ZNF133: variants seen among roughly 807,000 people sequenced by gnomAD.
ZNF133 encodes the protein zinc finger protein 133.
In ZNF133, 26 loss-of-function variants were observed where a neutral mutation model predicts 54.9. The observed-to-expected ratio is 0.47, with a 90% CI of 0.35 to 0.66. The LOEUF (loss-of-function observed/expected upper bound fraction) is 0.66, where lower values mean the gene tolerates loss of function less well. ZNF133 is among the 30% of genes least tolerant of loss of function. The pLI, the probability that ZNF133 is intolerant of heterozygous loss-of-function variation, is 0.01. For missense variants in ZNF133, 653 were observed against 820.8 expected (o/e 0.80, Z 2.50); for synonymous variants, 298 against 320.3 (o/e 0.93, Z 0.74).
intron 6 of ZNF133, among the ~76,000 whole-genome samples, chr20:18,309,751 T>A (rs2147649752): frequency 6.6e-6 from 1 of 152,202 alleles, no homozygotes; most frequent in Non-Finnish European, 1.5e-5. Flanking sequence ...CTAAAAAAAG[T>A]ATGGTAGGTA....
chr20:18,314,101 A>G (rs1470768709), intron 6 of ZNF133: 2 of 152,244 alleles, frequency 1.3e-5, no homozygotes. Context: ...GCTCATTGTA[A>G]TTAGGATTGA....
chr20:18,289,892 G>A (rs73114297), intron 1 of ZNF133: 11,005 of 152,288 alleles, frequency 0.072, 482 homozygotes, highest in Non-Finnish European at 0.089. Flanking sequence ...CTTTTCTTCT[G>A]TGGCAGGTTC....
Position 18,315,477 on chromosome 20 carries a change from T to C in ZNF133, c.626T>C (p.Leu209Ser), listed in dbSNP as rs2047245730. The C allele has an allele frequency of 1.2e-6, 2 of 1,614,092 alleles. No homozygotes were observed. The highest frequency in any genetic ancestry group is 1.7e-6 in the Non-Finnish European group (2 of 1,180,014). ...AAATTGTTGAAGAGGATAGAAGTCT[T>C]AGGATTTGGAACAGTCAACTGTGGA... ...TDKLLKRIEV[L>S]GFGTVNCGEC... Residue 209 changes from leucine (L) to serine (S), a missense_variant, in exon 7 of 7, where the codon TTA becomes TCA. Physicochemically the swap from Leu to Ser is moderately radical, Grantham distance 145 (BLOSUM62 -2). This residue lies in a region of ZNF133 where 292 missense variants were observed against 431.6 expected (regional missense o/e 0.68). Transcript: ENST00000425686.
At chr20:18,307,785 T>C (rs1412225271) in intron 6 of ZNF133, among the ~76,000 whole-genome samples, 3 of 152,192 alleles carry the variant, frequency 2.0e-5, no homozygotes, top group Non-Finnish European at 1.5e-5. Context: ...TGTGCTAAGC[T>C]CTGGCCAGTG....
chr20:18,303,044 A>G (rs1382002525), intron 3 of ZNF133, among the ~76,000 whole-genome samples: 2 of 151,924 alleles, frequency 1.3e-5, no homozygotes, highest in Admixed American at 6.6e-5. Flanking sequence ...GTAGACTGGA[A>G]AACTATTTTT....
chr20:18,289,187 T>C (rs2040328260), intron 1 of ZNF133, among the ~76,000 whole-genome samples: 1 of 152,066 alleles, frequency 6.6e-6, no homozygotes, highest in Non-Finnish European at 1.5e-5. Flanking sequence ...GCCGCGATCT[T>C]AGGGTTTCAC....
chr20:18,309,253 G>A (rs1280729423), intron 6 of ZNF133, among the ~76,000 whole-genome samples: 1 of 152,144 alleles, frequency 6.6e-6, no homozygotes, highest in Non-Finnish European at 1.5e-5. Flanking sequence ...GAATTTGGGG[G>A]AAACACAACT....
At chr20:18,306,209 T>C in intron 5 of ZNF133, 89 bp from the exon 6 acceptor site, 2 of 1,299,490 alleles carry the variant, frequency 1.5e-6, no homozygotes, top group Non-Finnish European at 2.1e-6. Context: ...TGTACTACCT[T>C]TGAAGTTTCC....
At chr20:18,293,383 G>A (rs574074932) in intron 1 of ZNF133, among the ~76,000 whole-genome samples, 2 of 152,358 alleles carry the variant, frequency 1.3e-5, no homozygotes, top group East Asian at 1.9e-4. Flanking sequence ...GGTCAGCTGG[G>A]ACAGCAGGCC....
At position 18,316,594 on chromosome 20, in the gene ZNF133, A is replaced by C; in HGVS notation, c.1743A>C (p.Arg581Ser). ...AHSEEKPCVC[R>S]ECGQGFLQKS... ...CGGAAGAGAAGCCTTGTGTGTGCAG[A>C]GAGTGTGGCCAAGGCTTTCTCCAAA... The change falls in exon 7 of 7, where the codon AGA becomes AGC. Residue 581 changes from arginine to serine, a missense_variant. By Grantham distance (110) the Arg-to-Ser change is moderately radical (BLOSUM62 -1). Coordinates refer to ENST00000425686, the MANE Select transcript of ZNF133 (RefSeq NM_001352452.2). 1 of 1,613,976 alleles carries C rather than the reference A, an allele frequency of 6.2e-7. No individual in the cohort carries two copies.
chr20:18,312,272 T>A (rs954372539), intron 6 of ZNF133, among the ~76,000 whole-genome samples: 1 of 152,192 alleles, frequency 6.6e-6, no homozygotes, highest in African/African-American at 2.4e-5. Flanking sequence ...CTTAAAGATT[T>A]TCAGATTTTG....
Position 18,305,618 on chromosome 20 carries a change from C to T in ZNF133, c.-6-63C>T. 1.2e-6 allele frequency: 2 copies of T among 1,612,046 alleles called. No homozygotes were observed. The highest frequency in any genetic ancestry group is 2.2e-5 in the East Asian group (1 of 44,848). The stretch of plus-strand genomic sequence containing the variant: ...CTCCCCCAGGGCAGCCTTATCCCTG[C>T]CCCTCACCCTGCCATGGGCAAGGCT... On this transcript the variant is annotated intron_variant, in intron 4 of 6. Transcript: ENST00000425686. This position sits in a 1 kb window ranked among gnomAD's most constrained non-coding sequence, Gnocchi z 4.7.
chr20:18,307,570 A>C (rs1732355752), intron 6 of ZNF133, among the ~76,000 whole-genome samples: 1 of 152,192 alleles, frequency 6.6e-6, no homozygotes, highest in Non-Finnish European at 1.5e-5. Context: ...CCTTAAGTAC[A>C]TTCTTCCTTT....
In ZNF133 at chr20:18,316,977, GCTT is replaced by G. The variant is rs2047655699; in HGVS notation, c.*165_*167del. ...GTGGCCTTCGGTTGTAATAAACTTG[GCTT>G]CTTTATACATCTGTAACTGTGCCTG... is the stretch of plus-strand genomic sequence containing the variant. On this transcript the variant is annotated 3_prime_UTR_variant, in exon 7 of 7. Coordinates refer to ENST00000425686, the MANE Select transcript of ZNF133 (RefSeq NM_001352452.2). 8.0e-6 allele frequency: 7 copies of G among 873,912 alleles called. No homozygotes were observed. The highest frequency in any genetic ancestry group is 1.2e-5 in the Non-Finnish European group (7 of 589,394). The allele number at this position is 873,912 out of a possible 1,614,324, so 54.1% of individuals were successfully genotyped here. A position where few individuals can be genotyped will look rare whatever the true frequency, so the allele number is the denominator to read the frequency against.
chr20:18,300,097 T>C (rs1055833204), intron 3 of ZNF133, among the ~76,000 whole-genome samples: 33 of 152,296 alleles, frequency 2.2e-4, no homozygotes, highest in African/African-American at 7.9e-4. Flanking sequence ...TTTTGTTCTC[T>C]ATATGAGACT....
intron 3 of ZNF133, among the ~76,000 whole-genome samples, chr20:18,303,351 A>T (rs1291200870): frequency 1.3e-5 from 2 of 152,110 alleles, no homozygotes; most frequent in Non-Finnish European, 2.9e-5. Context: ...CTGGCCAGAA[A>T]ACTTAATGTT....
At chr20:18,311,561 G>A (rs1164382438) in intron 6 of ZNF133, among the ~76,000 whole-genome samples, 1 of 151,928 alleles carries the variant, frequency 6.6e-6, no homozygotes, top group African/African-American at 2.4e-5. Context: ...GTTGATGGAC[G>A]GTATTTAAAG....
chr20:18,305,914 A>T lies in ZNF133; in HGVS notation c.121+107A>T. 2 of 1,403,512 alleles carry T rather than the reference A, an allele frequency of 1.4e-6. No individual in the cohort carries two copies. The highest frequency in any genetic ancestry group is 2.8e-5 in the South Asian group (2 of 70,314). 86.9% of individuals were successfully genotyped at this position (1,403,512 alleles called of 1,614,324 possible). On this transcript the variant is annotated intron_variant, in intron 5 of 6. Transcript: ENST00000425686. The surrounding 1 kb of genome is among the most constrained non-coding windows in gnomAD (Gnocchi z 4.7). ...ACTTGACCTTTGGGTTGGACCAAAA[A>T]GCAACTACATTTTATTCGTGTTTCC...
At chr20:18,297,143 TTA>T (rs2042381170) in intron 1 of ZNF133, among the ~76,000 whole-genome samples, 1 of 152,220 alleles carries the variant, frequency 6.6e-6, no homozygotes, top group African/African-American at 2.4e-5. Flanking sequence ...TAGGAACTAA[TTA>T]TATGAATATT....
Sources: gnomAD v4.1 joint callset for allele counts (sites outside exome capture counted in the v4.1 genomes callset) on GRCh38, gnomAD v4.1.1 for gene constraint, gnomAD v4.1.1 regional missense constraint, Gnocchi (gnomAD v3.1) non-coding constraint, MANE v1.5 for transcripts, NCBI Gene and HGNC (gene_info 2026-07-23, HGNC 2026-07-21) for gene names.